Variants in OCLN observed in about 807,000 individuals in gnomAD.
OCLN encodes the protein phosphatase 1, regulatory subunit 115.
Under a neutral mutation model 47.9 loss-of-function variants are expected in OCLN, and 21 were observed. That is an observed-to-expected ratio of 0.44 (90% CI 0.31 to 0.63). The LOEUF (loss-of-function observed/expected upper bound fraction) is 0.63. OCLN is among the 30% of genes least tolerant of loss of function. OCLN has a pLI of 0.08. For synonymous variants in OCLN, 117 were observed against 198.4 expected (o/e 0.59, Z 3.45); for missense variants, 360 against 571.0 (o/e 0.63, Z 3.77).
In OCLN at chr5:69,509,304, A is replaced by G; in HGVS notation, c.214A>G (p.Ile72Val). Reference protein sequence around the residue: ...PGVIRILSMLIIVMCIAIFAC... With the variant: ...PGVIRILSMLVIVMCIAIFAC... ...AGTGATTCGGATCCTGTCTATGCTC[A>G]TTATTGTGATGTGCATTGCCATCTT... Residue 72 changes from isoleucine to valine, a missense_variant, in exon 3 of 9, where the codon ATT becomes GTT. Ile to Val is a conservative substitution (Grantham distance 29). Coordinates refer to ENST00000396442, the MANE Select transcript of OCLN (RefSeq NM_001205254.2). The G allele has an allele frequency of 6.2e-7, 1 of 1,614,168 alleles. No individual in the cohort carries two copies. The highest frequency in any genetic ancestry group is 8.5e-7 in the Non-Finnish European group (1 of 1,180,036).
intron 4 of OCLN, among the ~76,000 whole-genome samples, chr5:69,521,798 A>T (rs1206263428): frequency 1.3e-5 from 2 of 152,236 alleles, no homozygotes; most frequent in Admixed American, 1.3e-4. Context: ...AAGTAAAAAT[A>T]AAGTTTCATT....
chr5:69,500,398 C>CT (rs1203941028), intron 1 of OCLN, among the ~76,000 whole-genome samples: 9 of 87,096 alleles, frequency 1.0e-4, no homozygotes, highest in Non-Finnish European at 1.6e-4. Flanking sequence ...AACGAGCTTT[C>CT]TTTTCTTTTT....
At chr5:69,501,180 T>A (rs1404024357) in intron 1 of OCLN, among the ~76,000 whole-genome samples, 1 of 152,186 alleles carries the variant, frequency 6.6e-6, no homozygotes, top group Non-Finnish European at 1.5e-5. Context: ...ACCTCCCAAG[T>A]GCTGGAATTA....
At chr5:69,511,763 G>A (rs527623653) in intron 3 of OCLN, among the ~76,000 whole-genome samples, 28 of 152,048 alleles carry the variant, frequency 1.8e-4, no homozygotes, top group African/African-American at 6.3e-4. Context: ...GGTAGCTCAC[G>A]CCTGTAATCC....
intron 1 of OCLN, among the ~76,000 whole-genome samples, chr5:69,496,841 GATCT>G (rs919710328): frequency 1.3e-4 from 20 of 152,052 alleles, no homozygotes; most frequent in Non-Finnish European, 1.5e-5. Context: ...ATTTGACAAG[GATCT>G]ATCTGCTGCT....
At chr5:69,518,545 A>G (rs1163359707) in intron 4 of OCLN, among the ~76,000 whole-genome samples, 1 of 152,062 alleles carries the variant, frequency 6.6e-6, no homozygotes, top group African/African-American at 2.4e-5. Context: ...CCACGTTCTC[A>G]TTATTTCCTT....
chr5:69,520,578 C>T (rs559066744), intron 4 of OCLN, among the ~76,000 whole-genome samples: 15 of 152,290 alleles, frequency 9.8e-5, no homozygotes, highest in African/African-American at 3.6e-4. Context: ...AGGCGTGAGC[C>T]ACCATGCCTG....
intron 2 of OCLN, among the ~76,000 whole-genome samples, chr5:69,505,127 A>G (rs892638293): frequency 1.8e-4 from 27 of 150,462 alleles, no homozygotes; most frequent in Admixed American, 1.8e-3. Context: ...ATGCATGCCT[A>G]TAATTGCAGC....
intron 2 of OCLN, among the ~76,000 whole-genome samples, chr5:69,508,829 G>A (rs1275015118): frequency 6.6e-6 from 1 of 152,168 alleles, no homozygotes; most frequent in Non-Finnish European, 1.5e-5. Context: ...AAAAATATGT[G>A]ATCCAGAAAT....
At chr5:69,548,890 G>A (rs1769779576) in intron 7 of OCLN, among the ~76,000 whole-genome samples, 1 of 150,968 alleles carries the variant, frequency 6.6e-6, no homozygotes, top group African/African-American at 2.4e-5. Flanking sequence ...AACCTGGGAT[G>A]GGGGAGGTTG....
intron 4 of OCLN, among the ~76,000 whole-genome samples, chr5:69,515,781 G>GAT (rs1768943063): frequency 2.0e-5 from 3 of 149,772 alleles, no homozygotes; most frequent in Middle Eastern, 3.4e-3. Context: ...CTTCTCAGAC[G>GAT]GGGCGGCTGG....
chr5:69,509,945 T>G, intron 3 of OCLN, 126 bp downstream of exon 3: 1 of 777,588 alleles, frequency 1.3e-6, no homozygotes, highest in Admixed American at 1.9e-5. Flanking sequence ...TCTAATTAAA[T>G]CTGGGGGAGG....
intron 3 of OCLN, among the ~76,000 whole-genome samples, chr5:69,510,247 C>T (rs896169474): frequency 1.3e-5 from 2 of 152,252 alleles, no homozygotes; most frequent in African/African-American, 2.4e-5. Context: ...GCTTCTTTTA[C>T]GTAGCATAAT....
intron 4 of OCLN, among the ~76,000 whole-genome samples, chr5:69,515,553 C>T (rs1349566507): frequency 6.7e-6 from 1 of 149,670 alleles, no homozygotes; most frequent in Non-Finnish European, 1.5e-5. Flanking sequence ...CCCCCACCTC[C>T]CTCCCGGACG....
chr5:69,515,113 G>GC (rs1272052528), intron 4 of OCLN, among the ~76,000 whole-genome samples: 2 of 151,334 alleles, frequency 1.3e-5, no homozygotes, highest in African/African-American at 4.9e-5. Flanking sequence ...GGGCAGAGGC[G>GC]CCCCTCACCT....
At chr5:69,510,369 G>T (rs1388699424) in intron 3 of OCLN, among the ~76,000 whole-genome samples, 1 of 152,098 alleles carries the variant, frequency 6.6e-6, no homozygotes, top group African/African-American at 2.4e-5. Context: ...ATAGACATTT[G>T]TGTCTACATT....
chr5:69,536,924 C>T (rs1266823608), intron 5 of OCLN, among the ~76,000 whole-genome samples: 113 of 150,014 alleles, frequency 7.5e-4, no homozygotes, highest in Middle Eastern at 6.8e-3. Context: ...GCCGAGATCG[C>T]GCCACTGCAC....
At chr5:69,531,957 A>G (rs1049897125) in intron 4 of OCLN, among the ~76,000 whole-genome samples, 7 of 152,196 alleles carry the variant, frequency 4.6e-5, no homozygotes, top group African/African-American at 1.7e-4. Flanking sequence ...TAATCCAAAT[A>G]AAGGTCTTCT....
intron 1 of OCLN, among the ~76,000 whole-genome samples, chr5:69,497,683 C>G (rs943271287): frequency 6.6e-6 from 1 of 152,080 alleles, no homozygotes; most frequent in African/African-American, 2.4e-5. Context: ...GCCTGGCCAG[C>G]TTTTCTAGAT....
Sources: gnomAD v4.1 joint callset for allele counts (sites outside exome capture counted in the v4.1 genomes callset) on GRCh38, gnomAD v4.1.1 for gene constraint, MANE v1.5 for transcripts, NCBI Gene and HGNC (gene_info 2026-07-23, HGNC 2026-07-21) for gene names.